PHACTR4: variants seen among roughly 807,000 people sequenced by gnomAD.
PHACTR4 encodes phosphatase and actin regulator 4.
PHACTR4 carries 51 observed loss-of-function variants against 72.7 expected under a neutral mutation model. The ratio of observed to expected loss-of-function variants is 0.70; its 90% CI spans 0.56 to 0.89. PHACTR4 has a LOEUF of 0.89. PHACTR4 is among the 40% of genes least tolerant of loss of function. The pLI is 0.00. For missense variants in PHACTR4, 731 were observed against 861.8 expected (o/e 0.85, Z 1.90); for synonymous variants, 255 against 302.5 (o/e 0.84, Z 1.63).
chr1:28,489,226 G>T lies in PHACTR4; in HGVS notation c.1816+1G>T. The stretch of plus-strand genomic sequence containing the variant: ...CTAGAACAACGCAATATATTGCAAC[G>T]TGAGTCCAGTTATGGAAATAAAGTT... On this transcript the variant is annotated splice_donor_variant, in intron 10 of 13. Transcript: ENST00000373839. LOFTEE classifies it high-confidence loss of function. 1 of 1,608,408 alleles carries T rather than the reference G, an allele frequency of 6.2e-7. No homozygotes were observed. Among genetic ancestry groups the T allele is most frequent in the South Asian group, 1.1e-5 (1 of 90,392 alleles).
chr1:28,393,064 G>A (rs1653183639), intron 1 of PHACTR4, among the ~76,000 whole-genome samples: 1 of 152,118 alleles, frequency 6.6e-6, no homozygotes, highest in Non-Finnish European at 1.5e-5. Flanking sequence ...TCCACTGGGG[G>A]CTTTGGAATG....
intron 6 of PHACTR4, among the ~76,000 whole-genome samples, chr1:28,470,570 C>CCTA (rs1358621253): frequency 6.6e-6 from 1 of 151,872 alleles, no homozygotes; most frequent in Non-Finnish European, 1.5e-5. Flanking sequence ...GTGGCACATG[C>CCTA]CTATGGTCCC....
At chr1:28,457,203 A>G in intron 2 of PHACTR4, 1 of 379,884 alleles carries the variant, frequency 2.6e-6, no homozygotes, top group Non-Finnish European at 5.4e-6. Context: ...CTAAACCTCC[A>G]TCAATCAAGT....
intron 9 of PHACTR4, among the ~76,000 whole-genome samples, chr1:28,480,863 A>G (rs1396342816): frequency 6.6e-6 from 1 of 151,920 alleles, no homozygotes; most frequent in East Asian, 1.9e-4. Context: ...TAATTTTTGT[A>G]TTCTTAGCAA....
chr1:28,418,490 AAAC>A (rs1205177346), intron 2 of PHACTR4, among the ~76,000 whole-genome samples: 2 of 151,948 alleles, frequency 1.3e-5, no homozygotes, highest in Admixed American at 6.6e-5. Flanking sequence ...CAAAAACAAA[AAAC>A]AAAACAAAAC....
At chr1:28,395,299 TG>T (rs1457920560) in intron 1 of PHACTR4, among the ~76,000 whole-genome samples, 1 of 152,156 alleles carries the variant, frequency 6.6e-6, no homozygotes, top group African/African-American at 2.4e-5. Flanking sequence ...GCTTCATTTT[TG>T]TGGGTGTTGA....
chr1:28,440,793 T>A (rs1656971688), intron 2 of PHACTR4, among the ~76,000 whole-genome samples: 1 of 152,192 alleles, frequency 6.6e-6, no homozygotes, highest in Admixed American at 6.5e-5. Flanking sequence ...CCTTGAGGAC[T>A]ATACCAATTC....
intron 3 of PHACTR4, 130 bp downstream of exon 3, chr1:28,459,388 C>A: frequency 9.2e-6 from 6 of 648,844 alleles, no homozygotes; most frequent in Non-Finnish European, 1.4e-5. Context: ...TTTATTCTTT[C>A]CTTCTTCTTT....
intron 2 of PHACTR4, among the ~76,000 whole-genome samples, chr1:28,413,890 G>C (rs969807776): frequency 3.9e-5 from 6 of 152,118 alleles, no homozygotes; most frequent in Non-Finnish European, 5.9e-5. Context: ...GAGCTTCTTG[G>C]CCTTATTGTT....
At position 28,453,034 on chromosome 1, in the gene PHACTR4, G is replaced by T. The variant is rs1389025577; in HGVS notation, c.17-6051G>T. 2.6e-5 allele frequency among the ~76,000 whole-genome samples: 4 copies of T among 151,198 alleles called. No individual in the cohort carries two copies. In the South Asian group the frequency reaches 6.3e-4, roughly 24 times the overall value. On this transcript the variant is annotated intron_variant, in intron 2 of 13. Transcript: ENST00000373839. The stretch of plus-strand genomic sequence containing the variant: ...CTTGGGAGGCTGAGGCAGGAGAATC[G>T]CTTGAACCCAGGAGGCAGAGGTTGT...
Position 28,496,681 on chromosome 1 carries a change from C to T in PHACTR4, c.*132C>T. 1 of 1,037,188 alleles carries T rather than the reference C, an allele frequency of 9.6e-7. No individual in the cohort carries two copies. Among genetic ancestry groups the T allele is most frequent in the South Asian group, 1.3e-5 (1 of 77,376 alleles). 64.2% of individuals were successfully genotyped at this position (1,037,188 alleles called of 1,614,324 possible). A position where few individuals can be genotyped will look rare whatever the true frequency, so the allele number is the denominator to read the frequency against. ...CTCTGGGATCTTCTGAGGTGGACAG[C>T]ACTTTGAATGTAGCATTTCACTGGA... On this transcript the variant is annotated 3_prime_UTR_variant, in exon 14 of 14. Transcript: ENST00000373839.
At chr1:28,464,923 C>T (rs984528766) in intron 4 of PHACTR4, among the ~76,000 whole-genome samples, 5 of 152,002 alleles carry the variant, frequency 3.3e-5, no homozygotes, top group Admixed American at 1.3e-4. Context: ...AGGCTGGTCT[C>T]GAACTCTTGA....
intron 6 of PHACTR4, among the ~76,000 whole-genome samples, chr1:28,470,290 G>C (rs1233552690): frequency 6.6e-6 from 1 of 152,044 alleles, no homozygotes; most frequent in Non-Finnish European, 1.5e-5. Context: ...CTACTTGGGA[G>C]ATTGAGGTAA....
chr1:28,489,193 C>T lies in PHACTR4; in HGVS notation c.1784C>T (p.Pro595Leu), dbSNP rs771183495. Reference protein sequence around the residue: ...LIRRLSQRPTPEELEQRNILQ... With the variant: ...LIRRLSQRPTLEELEQRNILQ... ...AGGCGACTGAGTCAAAGACCAACAC[C>T]AGAAGAACTAGAACAACGCAATATA... The change falls in exon 10 of 14, where the codon CCA becomes CTA. Residue 595 changes from proline (P) to leucine (L), a missense_variant. By Grantham distance (98) the Pro-to-Leu change is moderately conservative. Around this residue, in one of 2 missense-constraint regions of PHACTR4, gnomAD observed 110 missense variants for 185.2 expected, o/e 0.59. Transcript: ENST00000373839. The T allele has an allele frequency of 1.2e-6, 2 of 1,612,886 alleles. No individual in the cohort carries two copies. The highest frequency in any genetic ancestry group is 4.5e-5 in the East Asian group (2 of 44,840).
intron 1 of PHACTR4, among the ~76,000 whole-genome samples, chr1:28,400,831 C>T (rs762842165): frequency 4.6e-5 from 7 of 152,082 alleles, no homozygotes; most frequent in South Asian, 2.1e-4. Flanking sequence ...CTGCCTGCCT[C>T]GGCCTCCCAC....
In PHACTR4 at chr1:28,428,489, A is replaced by G. The variant is rs572648179; in HGVS notation, c.16+21026A>G. Among the ~76,000 whole-genome samples, 6 of 152,338 alleles carry G rather than the reference A, an allele frequency of 3.9e-5. No homozygotes were observed. In the East Asian group the frequency reaches 5.8e-4, roughly 15 times the overall value. On this transcript the variant is annotated intron_variant, in intron 2 of 13. Coordinates refer to ENST00000373839, the MANE Select transcript of PHACTR4 (RefSeq NM_001048183.3). ...GAGAAAGCAACAAGGCAGAATCCCTATATCTCCAGTTTCTTTGAGTGTGAT... is the reference window on the plus strand; with the variant it reads ...GAGAAAGCAACAAGGCAGAATCCCTGTATCTCCAGTTTCTTTGAGTGTGAT...
chr1:28,421,359 C>G (rs1206643192), intron 2 of PHACTR4, among the ~76,000 whole-genome samples: 1 of 151,690 alleles, frequency 6.6e-6, no homozygotes, highest in Non-Finnish European at 1.5e-5. Flanking sequence ...TGCTGATGGC[C>G]TCTAATCCTC....
intron 2 of PHACTR4, among the ~76,000 whole-genome samples, chr1:28,445,004 G>A (rs1427362432): frequency 3.3e-5 from 5 of 149,318 alleles, no homozygotes; most frequent in African/African-American, 4.9e-5. Flanking sequence ...TTGCCCAGGC[G>A]GAGTGCAGTG....
intron 2 of PHACTR4, among the ~76,000 whole-genome samples, chr1:28,412,701 T>A (rs761428904): frequency 2.0e-4 from 30 of 152,324 alleles, no homozygotes; most frequent in Non-Finnish European, 3.2e-4. Context: ...TTCTTATGTA[T>A]TTAGTTTTAC....
Sources: gnomAD v4.1 joint callset for allele counts (sites outside exome capture counted in the v4.1 genomes callset) on GRCh38, gnomAD v4.1.1 for gene constraint, gnomAD v4.1.1 regional missense constraint, MANE v1.5 for transcripts, NCBI Gene and HGNC (gene_info 2026-07-23, HGNC 2026-07-21) for gene names.